The following GRID2 variants were observed in gnomAD, a reference collection of about 807,000 sequenced individuals.
GRID2 encodes the protein glutamate ionotropic receptor delta type subunit 2, also known as glutamate receptor ionotropic, delta-2.
GRID2 carries 33 observed loss-of-function variants against 114.8 expected under a neutral mutation model. That is an observed-to-expected ratio of 0.29 (90% CI 0.22 to 0.38). The LOEUF (loss-of-function observed/expected upper bound fraction) is 0.38, where lower values mean the gene tolerates loss of function less well. Among genes scored for constraint, GRID2 ranks in the 10% least tolerant of loss-of-function variants. The pLI, the probability that GRID2 is intolerant of heterozygous loss-of-function variation, is 1.00. For missense variants in GRID2, 1,184 were observed against 1,257.7 expected, an observed-to-expected ratio of 0.94 and a Z score of 0.89; for synonymous variants, 505 against 449.9, an observed-to-expected ratio of 1.12 and a Z score of -1.55.
chr4:93,344,828 G>A (rs900330766), intron 8 of GRID2, among the ~76,000 whole-genome samples: 21 of 151,804 alleles, frequency 1.4e-4, no homozygotes, highest in African/African-American at 5.1e-4. Context: ...CTACTTGTAT[G>A]AATTTGATAT....
intron 1 of GRID2, among the ~76,000 whole-genome samples, chr4:92,558,733 T>C (rs751244654): frequency 1.1e-4 from 16 of 152,200 alleles, no homozygotes; most frequent in Non-Finnish European, 1.9e-4. Context: ...CACTAGATCA[T>C]GCTTCGCAAG....
intron 4 of GRID2, among the ~76,000 whole-genome samples, chr4:93,133,912 A>G (rs1320252303): frequency 6.6e-6 from 1 of 152,224 alleles, no homozygotes; most frequent in Non-Finnish European, 1.5e-5. Context: ...GTTAAGGAAT[A>G]TTTAGGCAAA....
intron 1 of GRID2, among the ~76,000 whole-genome samples, chr4:92,526,092 CAAAT>C (rs1475714790): frequency 1.3e-5 from 2 of 151,284 alleles, no homozygotes; most frequent in Non-Finnish European, 2.9e-5. Flanking sequence ...GAACAAGTCT[CAAAT>C]AGATGGGTCA....
chr4:93,333,468 C>A (rs188943294), intron 8 of GRID2, among the ~76,000 whole-genome samples: 4 of 152,268 alleles, frequency 2.6e-5, no homozygotes, highest in African/African-American at 9.6e-5. Context: ...TCCCACCATA[C>A]ATTTTTTTAA....
intron 1 of GRID2, among the ~76,000 whole-genome samples, chr4:92,400,331 AC>A (rs745389662): frequency 7.2e-5 from 11 of 152,184 alleles, no homozygotes; most frequent in Non-Finnish European, 1.6e-4. Context: ...CTTACTCTGG[AC>A]ATTTAACACA....
chr4:93,379,999 A>G (rs980659513), intron 8 of GRID2, among the ~76,000 whole-genome samples: 1 of 152,096 alleles, frequency 6.6e-6, no homozygotes, highest in Non-Finnish European at 1.5e-5. Flanking sequence ...ATAAATTGTG[A>G]TCTGTAGTAA....
intron 2 of GRID2, among the ~76,000 whole-genome samples, chr4:92,610,466 G>T (rs1290478572): frequency 1.3e-5 from 2 of 151,488 alleles, no homozygotes; most frequent in Non-Finnish European, 3.0e-5. Context: ...GTATCATTCT[G>T]CCCACCTTAG....
chr4:92,571,598 C>A (rs9678025), intron 1 of GRID2, among the ~76,000 whole-genome samples: 2 of 151,904 alleles, frequency 1.3e-5, no homozygotes, highest in Admixed American at 6.6e-5. Flanking sequence ...CAGCACCACA[C>A]CGCACTTATT....
At chr4:93,676,367 T>C (rs1724855964) in intron 14 of GRID2, among the ~76,000 whole-genome samples, 2 of 152,218 alleles carry the variant, frequency 1.3e-5, no homozygotes, top group Non-Finnish European at 2.9e-5. Context: ...TTTCTAAAAA[T>C]TCTAGATCAT....
intron 2 of GRID2, among the ~76,000 whole-genome samples, chr4:92,937,802 A>G (rs907116023): frequency 1.4e-5 from 2 of 146,492 alleles, no homozygotes; most frequent in East Asian, 2.2e-4. Context: ...TTTTGGTAGT[A>G]TTTTCATCTT....
rs1023096295 is a variant in GRID2, at chr4:92,489,841, A to G, written c.89-100290A>G. 1.3e-4 allele frequency among the ~76,000 whole-genome samples: 20 copies of G among 148,722 alleles called. No homozygotes were observed. In the South Asian group the frequency reaches 3.8e-3, roughly 28 times the overall value. The stretch of plus-strand genomic sequence containing the variant: ...AGCCTGGGCGATAGAGCGAGACTCC[A>G]TTTAAAAAAAAAAAAAAAAAAGTAA... On this transcript the variant is annotated intron_variant, in intron 1 of 15. Coordinates refer to ENST00000282020, the MANE Select transcript of GRID2 (RefSeq NM_001510.4).
At chr4:93,492,384 G>A (rs1054131317) in intron 12 of GRID2, among the ~76,000 whole-genome samples, 3 of 151,858 alleles carry the variant, frequency 2.0e-5, no homozygotes, top group African/African-American at 2.4e-5. Context: ...AAGTGACTGA[G>A]TAAAGACCAA....
chr4:93,537,808 C>T (rs967129333), intron 13 of GRID2, among the ~76,000 whole-genome samples: 2 of 151,820 alleles, frequency 1.3e-5, no homozygotes, highest in Non-Finnish European at 3.0e-5. Context: ...TTTTTTAATT[C>T]TAAATATTTC....
chr4:93,733,096 T>A (rs1375342890), intron 14 of GRID2, among the ~76,000 whole-genome samples: 1 of 152,162 alleles, frequency 6.6e-6, no homozygotes. Context: ...TAATTTTTAT[T>A]GCTGTTACTT....
chr4:92,965,436 A>T (rs1440039102), intron 2 of GRID2, among the ~76,000 whole-genome samples: 2 of 132,952 alleles, frequency 1.5e-5, no homozygotes, highest in African/African-American at 2.8e-5. Context: ...GGGTTGCCAT[A>T]AACATTCAAT....
At chr4:92,718,761 C>CAAAAAAAA (rs3077559) in intron 2 of GRID2, among the ~76,000 whole-genome samples, 5 of 41,776 alleles carry the variant, frequency 1.2e-4, no homozygotes, top group African/African-American at 1.9e-4. Flanking sequence ...AGACCCTGTC[C>CAAAAAAAA]AAAAAAAAAA....
intron 8 of GRID2, among the ~76,000 whole-genome samples, chr4:93,351,098 C>T (rs1280950136): frequency 2.0e-5 from 3 of 152,030 alleles, no homozygotes; most frequent in African/African-American, 7.2e-5. Flanking sequence ...ATTCAATGTT[C>T]CACCTGTCCC....
chr4:93,667,662 G>T (rs1724066030), intron 14 of GRID2, among the ~76,000 whole-genome samples: 1 of 151,990 alleles, frequency 6.6e-6, no homozygotes, highest in African/African-American at 2.4e-5. Flanking sequence ...GAAAATGAAA[G>T]TAGCACTCTT....
At chr4:93,024,409 A>G (rs1335899632) in intron 2 of GRID2, among the ~76,000 whole-genome samples, 1 of 151,798 alleles carries the variant, frequency 6.6e-6, no homozygotes, top group African/African-American at 2.4e-5. Flanking sequence ...TGAGAACTTA[A>G]AAATTTCAAT....
Sources: allele counts gnomAD v4.1 joint callset (sites outside exome capture counted in the v4.1 genomes callset), GRCh38; gene constraint gnomAD v4.1.1; transcripts MANE v1.5; gene names NCBI Gene and HGNC (gene_info 2026-07-23, HGNC 2026-07-21).